PNN: variants seen among roughly 807,000 people sequenced by gnomAD.
PNN encodes the protein pinin.
A neutral mutation model predicts 76.6 loss-of-function variants in PNN; 38 were observed. The observed-to-expected ratio is 0.50, with a 90% CI of 0.38 to 0.65. PNN has a LOEUF of 0.65. Ranked by LOEUF, PNN falls within the 30% of genes least tolerant of loss-of-function variation. The pLI is 0.00. For missense variants in PNN, 873 were observed against 874.1 expected (o/e 1.00, Z 0.02); for synonymous variants, 366 against 283.7 (o/e 1.29, Z -2.91).
rs750810460 is a variant in PNN at position 39,180,481 on chromosome 14, CAT to C, written c.794-21_794-20del. The C allele has an allele frequency of 6.6e-7, 1 of 1,516,980 alleles. No individual in the cohort carries two copies. Among genetic ancestry groups the C allele is most frequent in the Non-Finnish European group, 8.8e-7 (1 of 1,134,440 alleles). 94.0% of individuals were successfully genotyped at this position (1,516,980 alleles called of 1,614,324 possible). On this transcript the variant is annotated intron_variant, in intron 8 of 8. Coordinates refer to ENST00000216832, the MANE Select transcript of PNN (RefSeq NM_002687.4). ...ATTTTCTTAATCGGTAAATTTTACA[CAT>C]GTAAATTTTTATTCTTTAGCTTTAT...
chr14:39,179,577 CTT>C (rs35150527), intron 8 of PNN, 115 bp downstream of exon 8: 701 of 744,980 alleles, frequency 9.4e-4, no homozygotes, highest in South Asian at 1.4e-3. Flanking sequence ...GCTGTGTTTG[CTT>C]TTTTTTTTTA....
Position 39,181,982 on chromosome 14 carries a change from T to C in PNN, c.*119T>C. On this transcript the variant is annotated 3_prime_UTR_variant, in exon 9 of 9. Coordinates refer to ENST00000216832, the MANE Select transcript of PNN (RefSeq NM_002687.4). ...AGAATTGCATGTTGTAAAAAATCTT[T>C]TTGGAAAATACAGACTGTTTGTTTA... The C allele has an allele frequency of 9.7e-7, 1 of 1,032,346 alleles. No homozygotes were observed. The highest frequency in any genetic ancestry group is 2.6e-5 in the East Asian group (1 of 38,232). 63.9% of individuals were successfully genotyped at this position (1,032,346 alleles called of 1,614,324 possible). A position where few individuals can be genotyped will look rare whatever the true frequency, so the allele number is the denominator to read the frequency against.
chr14:39,178,386 C>T (rs781096411), intron 6 of PNN, among the ~76,000 whole-genome samples: 3 of 152,022 alleles, frequency 2.0e-5, no homozygotes, highest in Admixed American at 1.3e-4. Flanking sequence ...ACAAAATTAG[C>T]CGCCTGTGGT....
chr14:39,176,007 C>G lies in PNN; in HGVS notation c.114-71C>G, dbSNP rs925571197. On this transcript the variant is annotated intron_variant, in intron 1 of 8. Transcript: ENST00000216832. ...GATTTTTTCTCCTTATGATCCACAT[C>G]TCTGAAAGTATTTGGGTGCGACTGT... 4 of 797,862 alleles carry G rather than the reference C, an allele frequency of 5.0e-6. No individual in the cohort carries two copies. The African/African-American group carries it at 5.2e-5, about 10-fold the overall frequency. 49.4% of individuals were successfully genotyped at this position (797,862 alleles called of 1,614,324 possible).
rs572576441 is a variant in PNN, at chr14:39,179,691, A to G, written c.793+229A>G. Among the ~76,000 whole-genome samples the G allele has an allele frequency of 2.0e-5, 3 of 152,174 alleles. No homozygotes were observed. In the East Asian group the frequency reaches 5.8e-4, roughly 29 times the overall value. ...GGCAGATCATGAGGTCAGGAGATCG[A>G]GACCATCCCGGCTAACATGGTGAAA... is the stretch of plus-strand genomic sequence containing the variant. On this transcript the variant is annotated intron_variant, in intron 8 of 8. Coordinates refer to ENST00000216832, the MANE Select transcript of PNN (RefSeq NM_002687.4).
At chr14:39,175,994 T>G in intron 1 of PNN, 84 bp from the exon 2 acceptor site, 1 of 743,698 alleles carries the variant, frequency 1.3e-6, no homozygotes, top group South Asian at 1.5e-5. Context: ...TTTTTTCTCC[T>G]TATGATCCAC....
At position 39,179,095 on chromosome 14, in the gene PNN, A is replaced by C. The variant is rs1244069944; in HGVS notation, c.503A>C (p.Lys168Thr). The C allele has an allele frequency of 6.2e-7, 1 of 1,609,150 alleles. No homozygotes were observed. Among genetic ancestry groups the C allele is most frequent in the Admixed American group, 1.7e-5 (1 of 58,310 alleles). Residue 168 changes from lysine to threonine, a missense_variant, in exon 7 of 9, where the codon AAG becomes ACG. Physicochemically the swap from Lys to Thr is moderately conservative, Grantham distance 78. Around this residue, in one of 3 missense-constraint regions of PNN, gnomAD observed 712 missense variants for 693.1 expected, o/e 1.03. Transcript: ENST00000216832. ...QESTVATERQ[K>T]RRQEIEQKLE... ...AGCAGGCTACTTAACTTTTAGCAAA[A>C]GCGGCGCCAGGAAATTGAACAAAAA... is the stretch of plus-strand genomic sequence containing the variant.
At chr14:39,176,665 TAAC>T (rs1338275598) in intron 3 of PNN, 70 bp downstream of exon 3, 4 of 882,382 alleles carry the variant, frequency 4.5e-6, no homozygotes, top group Non-Finnish European at 7.1e-6. Context: ...AAATGTTTAT[TAAC>T]AATAATTCTG....
Position 39,179,465 on chromosome 14 carries a change from A to G in PNN, c.793+3A>G, listed in dbSNP as rs2053253816. 1 of 1,609,826 alleles carries G rather than the reference A, an allele frequency of 6.2e-7. No homozygotes were observed. The highest frequency in any genetic ancestry group is 8.5e-7 in the Non-Finnish European group (1 of 1,178,348). On this transcript the variant is annotated splice_donor_region_variant and intron_variant, in intron 8 of 8. Coordinates refer to ENST00000216832, the MANE Select transcript of PNN (RefSeq NM_002687.4). Reference sequence around the variant, plus strand: ...AGAGTCACAGAGAAAAATGAACGGTAAGTATGCGAAGAGGTCCATTGAATT... The same window carrying G: ...AGAGTCACAGAGAAAAATGAACGGTGAGTATGCGAAGAGGTCCATTGAATT...
chr14:39,182,486 TC>T lies in PNN; in HGVS notation c.*628del, dbSNP rs2053277325. 6.5e-6 allele frequency: 1 copy of T among 152,680 alleles called. No homozygotes were observed. The allele number at this position is 152,680 out of a possible 1,614,324, so 9.5% of individuals were successfully genotyped here. On this transcript the variant is annotated 3_prime_UTR_variant, in exon 9 of 9. Coordinates refer to ENST00000216832, the MANE Select transcript of PNN (RefSeq NM_002687.4). Reference sequence around the variant, plus strand: ...CCTTGTTATTTTAATCTAAGCATTTTCCCCCGTTTCTCATATTTTAACCATA... The same window carrying T: ...CCTTGTTATTTTAATCTAAGCATTTTCCCCGTTTCTCATATTTTAACCATA...
intron 1 of PNN, 64 bp downstream of exon 1, chr14:39,175,456 T>C (rs1448707060): frequency 4.9e-6 from 5 of 1,017,756 alleles, no homozygotes; most frequent in African/African-American, 1.6e-5. Flanking sequence ...TCGGGGTGAA[T>C]TGGGGGCGGG....
chr14:39,179,582 T>A, intron 8 of PNN, 120 bp downstream of exon 8: 2 of 894,468 alleles, frequency 2.2e-6, no homozygotes, highest in Non-Finnish European at 1.7e-6. Flanking sequence ...GTTTGCTTTT[T>A]TTTTTTAAAT....
intron 3 of PNN, among the ~76,000 whole-genome samples, chr14:39,177,069 A>G (rs879713108): frequency 5.9e-5 from 9 of 152,232 alleles, no homozygotes; most frequent in Non-Finnish European, 1.2e-4. Context: ...GTGCAGTTAC[A>G]TAAATACCTC....
chr14:39,177,604 G>A lies in PNN; in HGVS notation c.339G>A (p.Gln113=). Residue 113 remains glutamine (Q), a synonymous_variant, in exon 5 of 9, where the codon CAG becomes CAA. Coordinates refer to ENST00000216832, the MANE Select transcript of PNN (RefSeq NM_002687.4). ...EDDDVKKPAL[Q]SSVVATSKER... is the part of the protein sequence containing the mutation. Reference sequence around the variant, plus strand: ...TTCTTTTTCTGCAGCCAGCATTGCAGTCTTCAGTTGTAGCTACCTCCAAAG... The same window carrying A: ...TTCTTTTTCTGCAGCCAGCATTGCAATCTTCAGTTGTAGCTACCTCCAAAG... 1 of 1,613,614 alleles carries A rather than the reference G, an allele frequency of 6.2e-7. No homozygotes were observed. The highest frequency in any genetic ancestry group is 8.5e-7 in the Non-Finnish European group (1 of 1,179,530).
At chr14:39,179,542 ATAAT>A in intron 8 of PNN, 80 bp downstream of exon 8, 2 of 1,182,640 alleles carry the variant, frequency 1.7e-6, no homozygotes, top group African/African-American at 3.1e-5. Context: ...GTTTTCTAAA[ATAAT>A]TATGATTCAG....
At position 39,179,228 on chromosome 14, in the gene PNN, A is replaced by G. The variant is rs1377712641; in HGVS notation, c.636A>G (p.Lys212=). ...CAGAACTGCGGCTTTTGGAACAGAA[A>G]GTTGAGCTTGCGCAGCTGGTGAGTG... ...KQTELRLLEQ[K]VELAQLQEEW... is the part of the protein sequence containing the mutation. Residue 212 remains lysine, a synonymous_variant, in exon 7 of 9, where the codon AAA becomes AAG. Transcript: ENST00000216832. 2.9e-5 allele frequency: 47 copies of G among 1,612,402 alleles called. No homozygotes were observed. Among genetic ancestry groups the G allele is most frequent in the Non-Finnish European group, 4.0e-5 (47 of 1,179,644 alleles).
chr14:39,179,631 C>T (rs1027784498), intron 8 of PNN, among the ~76,000 whole-genome samples, 169 bp downstream of exon 8: 1 of 151,788 alleles, frequency 6.6e-6, no homozygotes, highest in Non-Finnish European at 1.5e-5. Context: ...TGGTGGCTCA[C>T]GCCTGTAATC....
In PNN at chr14:39,180,516, T is replaced by G; in HGVS notation, c.807T>G (p.Gly269=). The change falls in exon 9 of 9, where the codon GGT becomes GGG. Residue 269 remains glycine, a synonymous_variant. Coordinates refer to ENST00000216832, the MANE Select transcript of PNN (RefSeq NM_002687.4). ...SQRKMNALFE[G]RRIEFAEQIN... ...TTTATTCTTTAGCTTTATTTGAAGG[T>G]AGACGCATCGAATTTGCAGAACAAA... 6.3e-7 allele frequency: 1 copy of G among 1,585,102 alleles called. No individual in the cohort carries two copies. Among genetic ancestry groups the G allele is most frequent in the East Asian group, 2.2e-5 (1 of 44,664 alleles).
At chr14:39,178,874 G>T (rs1460700996) in intron 6 of PNN, 2 of 441,490 alleles carry the variant, frequency 4.5e-6, no homozygotes, top group Non-Finnish European at 8.0e-6. Context: ...AAGTAGCTGG[G>T]ATTATAGGTG....
Sources: allele counts gnomAD v4.1 joint callset (sites outside exome capture counted in the v4.1 genomes callset), GRCh38; gene constraint gnomAD v4.1.1; regional missense constraint gnomAD v4.1.1; transcripts MANE v1.5; gene names NCBI Gene and HGNC (gene_info 2026-07-23, HGNC 2026-07-21).